The following KPNA3 variants were observed in gnomAD, a reference collection of about 807,000 sequenced individuals.
KPNA3 encodes importin subunit alpha-4.
KPNA3 carries 13 observed loss-of-function variants against 73.8 expected under a neutral mutation model. The ratio of observed to expected loss-of-function variants is 0.18; its 90% confidence interval spans 0.11 to 0.28. KPNA3 has a LOEUF of 0.28. Among genes scored for constraint, KPNA3 ranks in the 10% least tolerant of loss-of-function variants. The pLI is 1.00. For missense variants in KPNA3, 360 were observed against 618.1 expected (o/e 0.58, Z 4.43); for synonymous variants, 186 against 206.9 (o/e 0.90, Z 0.87).
At chr13:49,722,404 T>C in intron 8 of KPNA3, 73 bp downstream of exon 8, 2 of 951,330 alleles carry the variant, frequency 2.1e-6, no homozygotes, top group African/African-American at 1.6e-5. Flanking sequence ...GGAAACATAG[T>C]ATGTAATGGC....
At chr13:49,787,939 CA>C (rs1954998448) in intron 1 of KPNA3, among the ~76,000 whole-genome samples, 1 of 152,198 alleles carries the variant, frequency 6.6e-6, no homozygotes, top group Non-Finnish European at 1.5e-5. Context: ...CTCGGCCTCC[CA>C]AAGTGCTGGG....
chr13:49,714,838 G>C (rs935578170), intron 10 of KPNA3, among the ~76,000 whole-genome samples: 4 of 151,828 alleles, frequency 2.6e-5, no homozygotes, highest in African/African-American at 9.7e-5. Context: ...TTGAACAAAA[G>C]CTAAACTGCA....
At chr13:49,775,314 G>A (rs2137598110) in intron 1 of KPNA3, among the ~76,000 whole-genome samples, 1 of 151,806 alleles carries the variant, frequency 6.6e-6, no homozygotes, top group Non-Finnish European at 1.5e-5. Context: ...TTCATATCAT[G>A]GCATGCACAG....
chr13:49,705,783 C>T lies in KPNA3; in HGVS notation c.1210G>A (p.Val404Ile), dbSNP rs1209949995. 3 of 1,585,148 alleles carry T rather than the reference C, an allele frequency of 1.9e-6. No homozygotes were observed. The highest frequency in any genetic ancestry group is 2.6e-6 in the Non-Finnish European group (3 of 1,167,908). Residue 404 changes from valine (V) to isoleucine (I), a missense_variant and splice_region_variant, in exon 15 of 17, where the codon GTT becomes ATT. Around this residue, in one of 3 missense-constraint regions of KPNA3, gnomAD observed 287 missense variants for 549.1 expected, o/e 0.52. Transcript: ENST00000261667. ...NLTISGRKDQ[V>I]EYLVQQNVIP... The stretch of plus-strand genomic sequence containing the variant: ...ACATTCTGCTGTACAAGGTACTCAA[C>T]CTAGACAACAAAAGAGAAGAAATAT...
intron 12 of KPNA3, among the ~76,000 whole-genome samples, chr13:49,708,325 C>T (rs1954227442): frequency 1.3e-5 from 2 of 152,100 alleles, no homozygotes; most frequent in Admixed American, 1.3e-4. Context: ...CACAATGAGA[C>T]ACCACTTCAC....
chr13:49,761,189 G>A (rs1954756114), intron 1 of KPNA3, among the ~76,000 whole-genome samples: 1 of 152,040 alleles, frequency 6.6e-6, no homozygotes, highest in African/African-American at 2.4e-5. Context: ...ATAAGTAGTA[G>A]AGAAGAGGGT....
intron 7 of KPNA3, among the ~76,000 whole-genome samples, chr13:49,723,582 A>T (rs1029017367): frequency 4.7e-5 from 7 of 150,498 alleles, no homozygotes; most frequent in African/African-American, 1.7e-4. Flanking sequence ...AAAAAAAAAT[A>T]TCATACTCAG....
chr13:49,773,873 A>T (rs1594460381), intron 1 of KPNA3, among the ~76,000 whole-genome samples: 1 of 152,168 alleles, frequency 6.6e-6, no homozygotes, highest in South Asian at 2.1e-4. Flanking sequence ...AGAAGTAACC[A>T]TATTCTGAAA....
intron 1 of KPNA3, among the ~76,000 whole-genome samples, chr13:49,778,649 G>T (rs534614437): frequency 3.2e-4 from 48 of 152,072 alleles, no homozygotes; most frequent in South Asian, 1.7e-3. Flanking sequence ...TTGTTTTTTT[G>T]TTGTTGTTTT....
intron 7 of KPNA3, 44 bp from the exon 8 acceptor site, chr13:49,722,607 A>G (rs1158252301): frequency 8.2e-7 from 1 of 1,218,204 alleles, no homozygotes; most frequent in Non-Finnish European, 1.2e-6. Context: ...AACATGTTGA[A>G]GAGTTTACAG....
intron 1 of KPNA3, among the ~76,000 whole-genome samples, chr13:49,777,022 T>C (rs1344972266): frequency 6.6e-6 from 1 of 152,214 alleles, no homozygotes; most frequent in Non-Finnish European, 1.5e-5. Context: ...CTACAATCTG[T>C]AGCCCAATAC....
intron 14 of KPNA3, 106 bp downstream of exon 14, chr13:49,705,992 T>C: frequency 8.8e-7 from 1 of 1,140,400 alleles, no homozygotes; most frequent in South Asian, 1.5e-5. Context: ...ATAATAATTA[T>C]CTTTTCCCCA....
intron 2 of KPNA3, among the ~76,000 whole-genome samples, chr13:49,738,453 G>A (rs948271952): frequency 2.0e-5 from 3 of 152,176 alleles, no homozygotes; most frequent in Non-Finnish European, 4.4e-5. Flanking sequence ...GAGAATCAAT[G>A]TCATTATTAC....
At chr13:49,735,328 G>C (rs1470437220) in intron 2 of KPNA3, among the ~76,000 whole-genome samples, 1 of 152,034 alleles carries the variant, frequency 6.6e-6, no homozygotes, top group Non-Finnish European at 1.5e-5. Context: ...CTCCATGTTG[G>C]TCAGGCTGGT....
intron 1 of KPNA3, among the ~76,000 whole-genome samples, chr13:49,766,996 GA>G (rs1954813378): frequency 3.5e-5 from 5 of 143,432 alleles, no homozygotes; most frequent in Non-Finnish European, 7.6e-5. Flanking sequence ...ATCAAGTTAG[GA>G]TTTTTTTTTT....
At position 49,705,640 on chromosome 13, in the gene KPNA3, T is replaced by A. The variant is rs200666130; in HGVS notation, c.1353A>T (p.Glu451Asp). 197 of 1,614,034 alleles carry A rather than the reference T, an allele frequency of 1.2e-4. 1 individual carries two copies. In the East Asian group the frequency reaches 4.2e-3, roughly 34 times the overall value. Reference protein sequence around the residue: ...MAGDEASTIAEIIEECGGLEK... With the variant: ...MAGDEASTIADIIEECGGLEK... ...TCTTACCTCCACATTCCTCTATTAT[T>A]TCAGCTATTGTGCTTGCTTCATCAC... The change falls in exon 15 of 17, where the codon GAA (glutamate) becomes GAT (aspartate). Residue 451 changes from glutamate (E) to aspartate (D), a missense_variant. Coordinates refer to ENST00000261667, the MANE Select transcript of KPNA3 (RefSeq NM_002267.4).
chr13:49,747,352 A>AAAG (rs1229699880), intron 1 of KPNA3, among the ~76,000 whole-genome samples: 4 of 152,048 alleles, frequency 2.6e-5, no homozygotes, highest in Non-Finnish European at 5.9e-5. Flanking sequence ...ATCTCAAAAA[A>AAAG]AAGAAGAAGA....
intron 10 of KPNA3, among the ~76,000 whole-genome samples, chr13:49,712,700 T>C (rs1056178997): frequency 2.0e-5 from 3 of 151,896 alleles, no homozygotes; most frequent in African/African-American, 7.2e-5. Flanking sequence ...GAAAATAGAA[T>C]AAGCTCATGC....
chr13:49,722,211 T>A, intron 8 of KPNA3, 87 bp from the exon 9 acceptor site: 1 of 887,424 alleles, frequency 1.1e-6, no homozygotes, highest in Non-Finnish European at 1.7e-6. Flanking sequence ...GTGGGAACAC[T>A]GACGTTCTAT....
Sources: allele counts gnomAD v4.1 joint callset (sites outside exome capture counted in the v4.1 genomes callset), GRCh38; gene constraint gnomAD v4.1.1; regional missense constraint gnomAD v4.1.1; transcripts MANE v1.5; gene names NCBI Gene and HGNC (gene_info 2026-07-23, HGNC 2026-07-21).